Variants in CSGALNACT1 observed in about 807,000 individuals in gnomAD.
CSGALNACT1 encodes the protein chondroitin sulfate N-acetylgalactosaminyltransferase 1, also known as beta4GalNAcT-1.
A neutral mutation model predicts 51.0 loss-of-function variants in CSGALNACT1; 52 were observed. The ratio of observed to expected loss-of-function variants is 1.02; its 90% confidence interval spans 0.82 to 1.29. The LOEUF is 1.29. Ranked by LOEUF, CSGALNACT1 falls within the 50% of genes most tolerant of loss-of-function variation. The probability of loss-of-function intolerance (pLI) is 0.00; values close to 1 mark genes in which losing one functional copy is unlikely to be tolerated. For missense variants in CSGALNACT1, 935 were observed against 679.2 expected, an observed-to-expected ratio of 1.38 and a Z score of -4.19; for synonymous variants, 341 against 254.4, an observed-to-expected ratio of 1.34 and a Z score of -3.24.
At chr8:19,514,986 G>T (rs558024167) in intron 3 of CSGALNACT1, among the ~76,000 whole-genome samples, 10 of 152,278 alleles carry the variant, frequency 6.6e-5, no homozygotes, top group African/African-American at 2.4e-4. Context: ...CCTAGCTCCA[G>T]GTTTCCAGTA....
intron 4 of CSGALNACT1, among the ~76,000 whole-genome samples, chr8:19,498,404 C>G (rs2075842215): frequency 6.6e-6 from 1 of 152,240 alleles, no homozygotes; most frequent in Non-Finnish European, 1.5e-5. Context: ...TCCTACCCAA[C>G]ACGGGTGAGA....
chr8:19,666,477 T>C (rs2059180544), intron 1 of CSGALNACT1, among the ~76,000 whole-genome samples: 1 of 151,870 alleles, frequency 6.6e-6, no homozygotes, highest in African/African-American at 2.4e-5. Context: ...GGTGAATCAC[T>C]TCAGGTCAGG....
chr8:19,472,747 A>G (rs779122334), intron 4 of CSGALNACT1, among the ~76,000 whole-genome samples: 27 of 152,236 alleles, frequency 1.8e-4, no homozygotes, highest in Non-Finnish European at 3.7e-4. Flanking sequence ...AGATGCTTCA[A>G]AAAGCTTATC....
intron 5 of CSGALNACT1, among the ~76,000 whole-genome samples, chr8:19,454,626 C>T (rs1422981306): frequency 1.3e-5 from 2 of 151,972 alleles, no homozygotes; most frequent in Admixed American, 1.3e-4. Context: ...AGCTAAGGTT[C>T]TGCCACTGCA....
chr8:19,729,689 T>C (rs1260921323), intron 1 of CSGALNACT1, among the ~76,000 whole-genome samples: 1 of 152,214 alleles, frequency 6.6e-6, no homozygotes, highest in East Asian at 1.9e-4. Context: ...AGAAATAATC[T>C]GCCACAGAAG....
Position 19,505,717 on chromosome 8 carries a change from C to CG in CSGALNACT1, c.117dup (p.Glu40ArgfsTer52). 1 of 1,614,190 alleles carries CG rather than the reference C, an allele frequency of 6.2e-7. No individual in the cohort carries two copies. ...GCCCTGGGCAGTGCCAGCTGCTCCT[C>CG]GTCACCTTTTGGGGTGCAGGCCAAC... On this transcript the variant is annotated frameshift_variant, in exon 4 of 10. Coordinates refer to ENST00000454498, the Ensembl canonical transcript of CSGALNACT1. LOFTEE classifies it high-confidence loss of function.
chr8:19,734,034 C>T (rs947511509), intron 1 of CSGALNACT1, among the ~76,000 whole-genome samples: 10 of 152,176 alleles, frequency 6.6e-5, no homozygotes, highest in East Asian at 1.9e-4. Flanking sequence ...CAACAATGAA[C>T]GCTGAGGCTC....
chr8:19,456,377 G>A (rs2064099420), intron 5 of CSGALNACT1, among the ~76,000 whole-genome samples: 1 of 152,184 alleles, frequency 6.6e-6, no homozygotes, highest in African/African-American at 2.4e-5. Flanking sequence ...CCTGAACCCA[G>A]TAAGACATAG....
At chr8:19,498,359 T>C (rs1394692667) in intron 4 of CSGALNACT1, among the ~76,000 whole-genome samples, 1 of 152,224 alleles carries the variant, frequency 6.6e-6, no homozygotes, top group African/African-American at 2.4e-5. Flanking sequence ...ACTGGGAGGC[T>C]GATTAAAAAA....
intron 6 of CSGALNACT1, among the ~76,000 whole-genome samples, chr8:19,425,295 C>T (rs769863630): frequency 2.6e-5 from 4 of 152,128 alleles, no homozygotes; most frequent in Admixed American, 6.5e-5. Flanking sequence ...GAGCCGAGAT[C>T]GTGCCATTGT....
chr8:19,631,003 C>A (rs1179237596), intron 1 of CSGALNACT1, among the ~76,000 whole-genome samples: 1 of 152,110 alleles, frequency 6.6e-6, no homozygotes, highest in Non-Finnish European at 1.5e-5. Flanking sequence ...TTGGAGCTCG[C>A]TGGGTTTTGA....
intron 1 of CSGALNACT1, among the ~76,000 whole-genome samples, chr8:19,730,107 T>A (rs1388386937): frequency 6.6e-6 from 1 of 152,132 alleles, no homozygotes; most frequent in Non-Finnish European, 1.5e-5. Flanking sequence ...AGATCCCCAA[T>A]CTATAATCAC....
At chr8:19,604,682 C>T (rs936803774), upstream of CSGALNACT1, among the ~76,000 whole-genome samples, 2 of 148,966 alleles carry the variant, frequency 1.3e-5, no homozygotes, top group Non-Finnish European at 3.0e-5. Flanking sequence ...CCGAGGCGGG[C>T]AGATCACAAT....
chr8:19,492,549 C>A (rs759608061), intron 4 of CSGALNACT1, among the ~76,000 whole-genome samples: 10 of 152,198 alleles, frequency 6.6e-5, no homozygotes, highest in African/African-American at 2.4e-4. Context: ...GCTAGCCTGC[C>A]AACCTGGGCC....
In CSGALNACT1 at chr8:19,462,078, G is replaced by A. The variant is rs571863419; in HGVS notation, c.635-3436C>T. On this transcript the variant is annotated intron_variant, in intron 4 of 9. Coordinates refer to ENST00000454498, the Ensembl canonical transcript of CSGALNACT1. ...CACAGCGGCCACATTCACCACAGAT[G>A]GTATCTGCACAGCAGCCACGTTTGT... 7.2e-5 allele frequency among the ~76,000 whole-genome samples: 11 copies of A among 152,186 alleles called. No individual in the cohort carries two copies. The South Asian group carries it at 2.1e-3, about 29-fold the overall frequency.
At chr8:19,477,544 C>T (rs745339653) in intron 4 of CSGALNACT1, among the ~76,000 whole-genome samples, 28 of 152,130 alleles carry the variant, frequency 1.8e-4, no homozygotes, top group Non-Finnish European at 3.2e-4. Flanking sequence ...TATAAAAATG[C>T]GCCTTGGTTA....
chr8:19,483,814 T>C (rs1368530225), intron 4 of CSGALNACT1, among the ~76,000 whole-genome samples: 1 of 152,230 alleles, frequency 6.6e-6, no homozygotes, highest in African/African-American at 2.4e-5. Flanking sequence ...TTGACTAAAT[T>C]AAGTGAATAT....
chr8:19,644,709 C>CA (rs756025465), intron 1 of CSGALNACT1, among the ~76,000 whole-genome samples: 7,491 of 21,992 alleles, frequency 0.34, 1,668 homozygotes, highest in Non-Finnish European at 0.43. Context: ...GACTCCGTCT[C>CA]AAAAAAAAAA....
Position 19,525,615 on chromosome 8 carries a change from C to CAAAAAAAAAAAAA in CSGALNACT1, c.-296-19498_-296-19486dup, listed in dbSNP as rs34787475. Reference sequence around the variant, plus strand: ...CTGGCTGACAGAGGGAAACTTGTCCCAAAAAAAAAAAAAAAAAAAAAAAAA... The same window carrying CAAAAAAAAAAAAA: ...CTGGCTGACAGAGGGAAACTTGTCCCAAAAAAAAAAAAAAAAAAAAAAAAAAAAAAAAAAAAAA... On this transcript the variant is annotated intron_variant, in intron 3 of 9. Transcript: ENST00000454498. 5.4e-4 allele frequency among the ~76,000 whole-genome samples: 11 copies of CAAAAAAAAAAAAA among 20,366 alleles called. 3 individuals are homozygous for CAAAAAAAAAAAAA. The highest frequency in any genetic ancestry group is 7.2e-4 in the Non-Finnish European group (8 of 11,182). The allele number at this position is 20,366 out of a possible 152,430, so 13.4% of individuals were successfully genotyped here. A position where few individuals can be genotyped will look rare whatever the true frequency, so the allele number is the denominator to read the frequency against.
Sources: gnomAD v4.1 joint callset for allele counts (sites outside exome capture counted in the v4.1 genomes callset) on GRCh38, gnomAD v4.1.1 for gene constraint, MANE v1.5 for transcripts, NCBI Gene and HGNC (gene_info 2026-07-23, HGNC 2026-07-21) for gene names.